The following MYRF variants were observed in gnomAD, a reference collection of about 807,000 sequenced individuals.
MYRF encodes the protein myelin gene regulatory factor.
A neutral mutation model predicts 126.3 loss-of-function variants in MYRF; 16 were observed. That is an observed-to-expected ratio of 0.13 (90% CI 0.09 to 0.19). MYRF has a LOEUF of 0.19. MYRF is among the 10% of genes least tolerant of loss of function. MYRF has a pLI of 1.00. For missense variants in MYRF, 1,104 were observed against 1,547.0 expected, an observed-to-expected ratio of 0.71 and a Z score of 4.80; for synonymous variants, 608 against 635.3, an observed-to-expected ratio of 0.96 and a Z score of 0.65.
rs566578548 is a variant in MYRF at position 61,762,518 on chromosome 11, T to G, written c.47-3107T>G. On this transcript the variant is annotated intron_variant, in intron 1 of 26. Transcript: ENST00000278836. ...GCAGGTACCCCTGCTTGGGCTCCAGTGATGTTCTGGGGCTCTTTTGGGAGC... is the reference window on the plus strand; with the variant it reads ...GCAGGTACCCCTGCTTGGGCTCCAGGGATGTTCTGGGGCTCTTTTGGGAGC... 2.0e-5 allele frequency among the ~76,000 whole-genome samples: 3 copies of G among 152,166 alleles called. 1 individual carries two copies. In the South Asian group the frequency reaches 6.2e-4, roughly 32 times the overall value.
rs2135916799 is a variant in MYRF, at chr11:61,787,325, A to C, written c.*1182A>C. ...TGGGTTAGGGAAGAAGTTGTATCTT[A>C]AGTGCCACCTTCAAGTTTCTTAGTG... On this transcript the variant is annotated 3_prime_UTR_variant, in exon 27 of 27. Transcript: ENST00000278836. The C allele has an allele frequency of 6.6e-6, 1 of 152,304 alleles. No individual in the cohort carries two copies. Among genetic ancestry groups the C allele is most frequent in the South Asian group, 2.1e-4 (1 of 4,816 alleles). 9.4% of individuals were successfully genotyped at this position (152,304 alleles called of 1,614,324 possible). A position where few individuals can be genotyped will look rare whatever the true frequency, so the allele number is the denominator to read the frequency against.
intron 2 of MYRF, 87 bp downstream of exon 2, chr11:61,765,799 C>G: frequency 1.4e-6 from 2 of 1,447,502 alleles, no homozygotes; most frequent in Non-Finnish European, 1.9e-6. Context: ...AGGGCCGGAC[C>G]TGGGGTCTGC....
intron 8 of MYRF, 132 bp from the exon 9 acceptor site, chr11:61,775,924 G>A (rs560181273): frequency 1.0e-4 from 78 of 778,814 alleles, no homozygotes; most frequent in South Asian, 5.2e-4. Context: ...TGTGGGAATC[G>A]CGGCTGAGGG....
intron 1 of MYRF, chr11:61,755,552 G>C: frequency 7.4e-7 from 1 of 1,357,452 alleles, no homozygotes; most frequent in Non-Finnish European, 1.0e-6. Flanking sequence ...GTGCAGGCTG[G>C]ACCACTGAGA....
At chr11:61,764,449 G>A (rs1335076943) in intron 1 of MYRF, among the ~76,000 whole-genome samples, 1 of 152,248 alleles carries the variant, frequency 6.6e-6, no homozygotes, top group African/African-American at 2.4e-5. Context: ...GGCGCAGAGA[G>A]TGCATGTGAC....
chr11:61,776,161 A>G lies in MYRF; in HGVS notation c.1388+29A>G, dbSNP rs763545119. 10 of 1,611,292 alleles carry G rather than the reference A, an allele frequency of 6.2e-6. No individual in the cohort carries two copies. The highest frequency in any genetic ancestry group is 8.5e-6 in the Non-Finnish European group (10 of 1,177,576). On this transcript the variant is annotated intron_variant, in intron 9 of 26. Transcript: ENST00000278836. The surrounding 1 kb of genome is among the most constrained non-coding windows in gnomAD (Gnocchi z 4.3). Reference sequence around the variant, plus strand: ...AGTGTCTGACCCTGTTGGGGGTGGTACCTAGAAGGGTCCACAACTAAAGCT... The same window carrying G: ...AGTGTCTGACCCTGTTGGGGGTGGTGCCTAGAAGGGTCCACAACTAAAGCT...
rs1591133049 is a variant in MYRF, at chr11:61,783,744, T to G, written c.3120-107T>G. Reference sequence around the variant, plus strand: ...CCCTTTCCAGGCTACCCTTGGACACTGTCTCTTCTGGAGGGCTCCAGTACA... The same window carrying G: ...CCCTTTCCAGGCTACCCTTGGACACGGTCTCTTCTGGAGGGCTCCAGTACA... On this transcript the variant is annotated intron_variant, in intron 23 of 26. Transcript: ENST00000278836. The surrounding 1 kb of genome is among the most constrained non-coding windows in gnomAD (Gnocchi z 4.6). 1.5e-6 allele frequency: 2 copies of G among 1,373,490 alleles called. No homozygotes were observed. The highest frequency in any genetic ancestry group is 1.3e-5 in the South Asian group (1 of 79,642). 85.1% of individuals were successfully genotyped at this position (1,373,490 alleles called of 1,614,324 possible). A position where few individuals can be genotyped will look rare whatever the true frequency, so the allele number is the denominator to read the frequency against.
chr11:61,769,746 T>C (rs1303476870), intron 4 of MYRF, among the ~76,000 whole-genome samples: 1 of 151,914 alleles, frequency 6.6e-6, no homozygotes, highest in Non-Finnish European at 1.5e-5. Flanking sequence ...GGGTCAAGAG[T>C]TCTGTTTATC....
At position 61,766,217 on chromosome 11, in the gene MYRF, C is replaced by T; in HGVS notation, c.394C>T (p.Pro132Ser). ...IKAEPKAPYA[P>S]GTLPDSPPDS... ...GGCTGAGCCCAAGGCTCCCTATGCC[C>T]CAGGGTGAGTAAGGGCAGGGAGTAG... The change falls in exon 3 of 27, where the codon CCA (proline) becomes TCA (serine). Residue 132 changes from proline to serine, a missense_variant. Pro to Ser is a moderately conservative substitution (Grantham distance 74, BLOSUM62 -1). Around this residue, in one of 10 missense-constraint regions of MYRF, gnomAD observed 368 missense variants for 403.9 expected, o/e 0.91. Coordinates refer to ENST00000278836, the MANE Select transcript of MYRF (RefSeq NM_001127392.3). The T allele has an allele frequency of 6.2e-7, 1 of 1,604,664 alleles. No individual in the cohort carries two copies. The highest frequency in any genetic ancestry group is 8.5e-7 in the Non-Finnish European group (1 of 1,177,042).
At chr11:61,753,656 T>C (rs2065667467) in intron 1 of MYRF, among the ~76,000 whole-genome samples, 1 of 145,580 alleles carries the variant, frequency 6.9e-6, no homozygotes. Flanking sequence ...TCACCCCCAC[T>C]TGACCGAAAG....
chr11:61,769,614 G>C (rs1322224519), intron 4 of MYRF, among the ~76,000 whole-genome samples: 2 of 152,202 alleles, frequency 1.3e-5, no homozygotes, highest in Admixed American at 1.3e-4. Flanking sequence ...CGTGGGTGCA[G>C]CCTGGGTGCA....
At chr11:61,765,801 G>C in intron 2 of MYRF, 89 bp downstream of exon 2, 2 of 1,447,568 alleles carry the variant, frequency 1.4e-6, no homozygotes, top group Non-Finnish European at 1.9e-6. Context: ...GGCCGGACCT[G>C]GGGTCTGCTG....
At chr11:61,758,719 C>A (rs2065828089) in intron 1 of MYRF, among the ~76,000 whole-genome samples, 1 of 152,240 alleles carries the variant, frequency 6.6e-6, no homozygotes, top group South Asian at 2.1e-4. Flanking sequence ...CTGGAACCTT[C>A]TAGAATGCTA....
In MYRF at chr11:61,757,233, CG is replaced by C; in HGVS notation, c.46+4447del. 1 of 456,760 alleles carries C rather than the reference CG, an allele frequency of 2.2e-6. No homozygotes were observed. The highest frequency in any genetic ancestry group is 1.5e-5 in the South Asian group (1 of 64,552). 28.3% of individuals were successfully genotyped at this position (456,760 alleles called of 1,614,324 possible). A position where few individuals can be genotyped will look rare whatever the true frequency, so the allele number is the denominator to read the frequency against. ...GTGTGGGTACCTCTTGGTTGGGTCT[CG>C]GGGTAGGATGATGTAATGGTTCTGT... On this transcript the variant is annotated intron_variant, in intron 1 of 26. Transcript: ENST00000278836. The surrounding 1 kb of genome is among the most constrained non-coding windows in gnomAD (Gnocchi z 4.7).
In MYRF at chr11:61,761,262, G is replaced by T. The variant is rs866380198; in HGVS notation, c.47-4363G>T. ...CTCAGCCAACGGCCACAGCTGGTGGGGGGGGGGGCACATAAGCACAAGGAG... is the reference window on the plus strand; with the variant it reads ...CTCAGCCAACGGCCACAGCTGGTGGTGGGGGGGGCACATAAGCACAAGGAG... On this transcript the variant is annotated intron_variant, in intron 1 of 26. Transcript: ENST00000278836. Among the ~76,000 whole-genome samples the T allele has an allele frequency of 2.5e-4, 36 of 143,948 alleles. 1 individual carries two copies. Among genetic ancestry groups the T allele is most frequent in the African/African-American group, 5.7e-4 (23 of 40,050 alleles). 94.4% of individuals were successfully genotyped at this position (143,948 alleles called of 152,430 possible). A position where few individuals can be genotyped will look rare whatever the true frequency, so the allele number is the denominator to read the frequency against.
chr11:61,777,019 C>G lies in MYRF; in HGVS notation c.1590+142C>G. 1 of 847,936 alleles carries G rather than the reference C, an allele frequency of 1.2e-6. No homozygotes were observed. Among genetic ancestry groups the G allele is most frequent in the Non-Finnish European group, 1.8e-6 (1 of 554,920 alleles). The allele number at this position is 847,936 out of a possible 1,614,324, so 52.5% of individuals were successfully genotyped here. A position where few individuals can be genotyped will look rare whatever the true frequency, so the allele number is the denominator to read the frequency against. ...TGGCTGTGTGGCCTTGGGCAAAGCT[C>G]CCACCCTCTCTGGGCTGCAGGGTCT... is the stretch of plus-strand genomic sequence containing the variant. On this transcript the variant is annotated intron_variant, in intron 11 of 26. Transcript: ENST00000278836. This position sits in a 1 kb window ranked among gnomAD's most constrained non-coding sequence, Gnocchi z 8.8.
At chr11:61,772,462 C>A (rs963202384) in intron 7 of MYRF, among the ~76,000 whole-genome samples, 1 of 152,254 alleles carries the variant, frequency 6.6e-6, no homozygotes, top group Non-Finnish European at 1.5e-5. Context: ...GGCCAGTGGG[C>A]AGGTGACAGG....
At position 61,773,917 on chromosome 11, in the gene MYRF, C is replaced by T. The variant is rs944389869; in HGVS notation, c.1116-50C>T. 2.6e-6 allele frequency: 4 copies of T among 1,517,742 alleles called. No homozygotes were observed. In the African/African-American group the frequency reaches 5.6e-5, roughly 21 times the overall value. The allele number at this position is 1,517,742 out of a possible 1,614,324, so 94.0% of individuals were successfully genotyped here. A position where few individuals can be genotyped will look rare whatever the true frequency, so the allele number is the denominator to read the frequency against. On this transcript the variant is annotated intron_variant, in intron 7 of 26. Coordinates refer to ENST00000278836, the MANE Select transcript of MYRF (RefSeq NM_001127392.3). ...CCAGCAGGTAGGAGGAACCGATGTT[C>T]CAGGCCCGGCTCTGGGGCCTCAGGG...
chr11:61,781,835 C>A lies in MYRF; in HGVS notation c.3016+11C>A, dbSNP rs1308936615. On this transcript the variant is annotated intron_variant, in intron 22 of 26. Transcript: ENST00000278836. ...CCCAGGGCCAGTCAGGTACTTGCTG[C>A]ACCCCTGACACTACCCAGCCCAGCC... is the stretch of plus-strand genomic sequence containing the variant. 12 of 1,525,294 alleles carry A rather than the reference C, an allele frequency of 7.9e-6. No individual in the cohort carries two copies. Among genetic ancestry groups the A allele is most frequent in the Non-Finnish European group, 1.1e-5 (12 of 1,142,782 alleles). 94.5% of individuals were successfully genotyped at this position (1,525,294 alleles called of 1,614,324 possible).
Sources: allele counts gnomAD v4.1 joint callset (sites outside exome capture counted in the v4.1 genomes callset), GRCh38; gene constraint gnomAD v4.1.1; regional missense constraint gnomAD v4.1.1; non-coding constraint Gnocchi (gnomAD v3.1); transcripts MANE v1.5; gene names NCBI Gene and HGNC (gene_info 2026-07-23, HGNC 2026-07-21).